The following DLGAP1 variants were observed in gnomAD, a reference collection of about 807,000 sequenced individuals.
DLGAP1 encodes the protein disks large-associated protein 1.
A neutral mutation model predicts 90.8 loss-of-function variants in DLGAP1; 11 were observed. The observed-to-expected ratio is 0.12, with a 90% CI of 0.08 to 0.20. The LOEUF is 0.20. DLGAP1 is among the 10% of genes least tolerant of loss of function. The pLI is 1.00. For missense variants in DLGAP1, 1,050 were observed against 1,333.8 expected, an observed-to-expected ratio of 0.79 and a Z score of 3.31; for synonymous variants, 558 against 540.7, an observed-to-expected ratio of 1.03 and a Z score of -0.44.
chr18:4,162,956 C>T (rs537147828), intron 1 of DLGAP1, among the ~76,000 whole-genome samples: 6 of 151,854 alleles, frequency 4.0e-5, no homozygotes, highest in South Asian at 2.1e-4. Flanking sequence ...TTGAGCTAGT[C>T]GCAAAGTACT....
chr18:4,015,333 G>C (rs527925185), intron 2 of DLGAP1, among the ~76,000 whole-genome samples: 1 of 152,220 alleles, frequency 6.6e-6, no homozygotes, highest in South Asian at 2.1e-4. Context: ...TTTTGAAATG[G>C]ATCTGAGCCT....
intron 1 of DLGAP1, among the ~76,000 whole-genome samples, chr18:4,401,298 C>A (rs535494581): frequency 6.6e-6 from 1 of 152,282 alleles, no homozygotes; most frequent in Admixed American, 6.5e-5. Context: ...GTGAAAGAAG[C>A]TTAAATCTTT....
intron 5 of DLGAP1, among the ~76,000 whole-genome samples, chr18:3,766,133 T>C (rs1221073220): frequency 2.0e-5 from 3 of 152,084 alleles, no homozygotes; most frequent in Admixed American, 2.0e-4. Flanking sequence ...AGCAAAAGGA[T>C]GGAAAATTTA....
At chr18:4,250,332 G>A (rs540413021) in intron 1 of DLGAP1, among the ~76,000 whole-genome samples, 1 of 152,280 alleles carries the variant, frequency 6.6e-6, no homozygotes, top group Non-Finnish European at 1.5e-5. Context: ...GCTCACTTCT[G>A]CTATTAGGTA....
In DLGAP1 at chr18:3,601,580, C is replaced by T. The variant is rs540427264; in HGVS notation, c.1592-19332G>A. Among the ~76,000 whole-genome samples, 13 of 152,064 alleles carry T rather than the reference C, an allele frequency of 8.5e-5. No individual in the cohort carries two copies. The South Asian group carries it at 2.3e-3, about 27-fold the overall frequency. ...ACCTACGGCTGGGCATGGTGGTTCA[C>T]GCCTATAATCCCAGCACTTTGGGAG... is the stretch of plus-strand genomic sequence containing the variant. On this transcript the variant is annotated intron_variant, in intron 7 of 12. Coordinates refer to ENST00000315677, the MANE Select transcript of DLGAP1 (RefSeq NM_004746.4).
chr18:4,327,009 T>C (rs895395321), intron 1 of DLGAP1, among the ~76,000 whole-genome samples: 2 of 152,066 alleles, frequency 1.3e-5, no homozygotes, highest in African/African-American at 2.4e-5. Context: ...AAAGTCACAT[T>C]TATAGAAATA....
intron 3 of DLGAP1, chr18:3,896,477 C>T (rs1011368719): frequency 6.6e-6 from 1 of 152,180 alleles, no homozygotes; most frequent in Admixed American, 6.5e-5. Flanking sequence ...TACAAGAAGA[C>T]TCATCCAGCT....
intron 7 of DLGAP1, among the ~76,000 whole-genome samples, chr18:3,582,849 CT>C: frequency 1.9e-5 from 2 of 103,962 alleles, no homozygotes; most frequent in African/African-American, 7.5e-5. Context: ...TCCCTCCCCC[CT>C]CCCTCCCTCC....
intron 2 of DLGAP1, among the ~76,000 whole-genome samples, chr18:4,068,403 G>A (rs2075400708): frequency 1.3e-5 from 2 of 151,228 alleles, no homozygotes; most frequent in East Asian, 3.9e-4. Flanking sequence ...TATATATAAT[G>A]ATATATACTA....
chr18:3,619,920 G>A (rs552681618), intron 7 of DLGAP1, among the ~76,000 whole-genome samples: 2 of 151,766 alleles, frequency 1.3e-5, no homozygotes, highest in African/African-American at 4.8e-5. Context: ...AGGCTCAAGG[G>A]ATCCTCCCAC....
At chr18:3,826,248 C>T (rs1315112267) in intron 4 of DLGAP1, among the ~76,000 whole-genome samples, 2 of 152,158 alleles carry the variant, frequency 1.3e-5, no homozygotes, top group Non-Finnish European at 2.9e-5. Context: ...CGTAACAAGC[C>T]TGCACATGTA....
intron 1 of DLGAP1, among the ~76,000 whole-genome samples, chr18:4,297,782 C>T (rs1426065664): frequency 6.6e-6 from 1 of 152,110 alleles, no homozygotes; most frequent in African/African-American, 2.4e-5. Context: ...CTCTCTTTCT[C>T]TATCTATCAC....
intron 3 of DLGAP1, among the ~76,000 whole-genome samples, chr18:3,927,825 A>G (rs1276103615): frequency 1.3e-5 from 2 of 152,188 alleles, no homozygotes; most frequent in Admixed American, 1.3e-4. Flanking sequence ...TTTTTTCCCA[A>G]TATAATCCAT....
chr18:3,533,399 C>T (rs1052680146), intron 10 of DLGAP1, among the ~76,000 whole-genome samples: 1 of 152,126 alleles, frequency 6.6e-6, no homozygotes, highest in Non-Finnish European at 1.5e-5. Flanking sequence ...CCCTGTAAAT[C>T]CTAAGAGAAA....
At chr18:4,349,827 ATC>A (rs1215026879) in intron 1 of DLGAP1, among the ~76,000 whole-genome samples, 1 of 152,140 alleles carries the variant, frequency 6.6e-6, no homozygotes, top group African/African-American at 2.4e-5. Flanking sequence ...AATGCACTGT[ATC>A]TTTCTATTTG....
chr18:3,706,589 G>A (rs1456772177), intron 7 of DLGAP1, among the ~76,000 whole-genome samples: 1 of 152,300 alleles, frequency 6.6e-6, no homozygotes, highest in Middle Eastern at 3.4e-3. Context: ...GTATGAAAAC[G>A]TAATGTTAGT....
intron 6 of DLGAP1, among the ~76,000 whole-genome samples, chr18:3,740,900 AC>A (rs1411885319): frequency 1.4e-5 from 2 of 139,982 alleles, no homozygotes; most frequent in Non-Finnish European, 3.1e-5. Context: ...CACCACTGCC[AC>A]CCATTACCAA....
chr18:3,647,742 G>C (rs879689721), intron 7 of DLGAP1, among the ~76,000 whole-genome samples: 4 of 152,158 alleles, frequency 2.6e-5, no homozygotes, highest in Non-Finnish European at 5.9e-5. Flanking sequence ...TGGGATTACA[G>C]GTGTGAGCCA....
intron 1 of DLGAP1, among the ~76,000 whole-genome samples, chr18:4,333,270 C>T (rs948311613): frequency 6.6e-6 from 1 of 151,158 alleles, no homozygotes; most frequent in African/African-American, 2.5e-5. Flanking sequence ...TACAGGTTTA[C>T]GGCAGTTGGC....
Sources: gnomAD v4.1 joint callset for allele counts (sites outside exome capture counted in the v4.1 genomes callset) on GRCh38, gnomAD v4.1.1 for gene constraint, MANE v1.5 for transcripts, NCBI Gene and HGNC (gene_info 2026-07-23, HGNC 2026-07-21) for gene names.